MMADHC: variants seen among roughly 807,000 people sequenced by gnomAD.
MMADHC encodes metabolism of cobalamin associated D.
MMADHC carries 23 observed loss-of-function variants against 36.3 expected under a neutral mutation model. The observed-to-expected ratio is 0.63, with a 90% confidence interval of 0.46 to 0.90. The LOEUF (loss-of-function observed/expected upper bound fraction) is 0.90. Among genes scored for constraint, MMADHC ranks in the 40% least tolerant of loss-of-function variants. MMADHC has a pLI of 0.00. For missense variants in MMADHC, 330 were observed against 348.0 expected (o/e 0.95, Z 0.41); for synonymous variants, 97 against 116.1 (o/e 0.84, Z 1.06).
Position 149,572,451 on chromosome 2 carries a change from T to C in MMADHC, c.610-1280A>G, listed in dbSNP as rs533326964. The C allele has an allele frequency of 4.1e-5, 8 of 196,772 alleles. No individual in the cohort carries two copies. In the South Asian group the frequency reaches 5.4e-4, roughly 13 times the overall value. The allele number at this position is 196,772 out of a possible 1,614,324, so 12.2% of individuals were successfully genotyped here. ...CTGATCAAAATACACAAGTTAACTA[T>C]TTTTGGACCCTGAACAACAGGTGAG... On this transcript the variant is annotated intron_variant, in intron 6 of 7. Coordinates refer to ENST00000303319, the MANE Select transcript of MMADHC (RefSeq NM_015702.3).
chr2:149,573,690 GTATTT>G (rs541461614), intron 6 of MMADHC, among the ~76,000 whole-genome samples: 45 of 151,920 alleles, frequency 3.0e-4, no homozygotes, highest in Admixed American at 2.8e-3. Flanking sequence ...ATTTATTGCT[GTATTT>G]TATTAATCCT....
intron 3 of MMADHC, among the ~76,000 whole-genome samples, chr2:149,580,705 T>C (rs1051273171): frequency 2.6e-5 from 4 of 152,190 alleles, no homozygotes; most frequent in African/African-American, 4.8e-5. Context: ...TGAGCCACCA[T>C]ATCCCTCTTC....
intron 3 of MMADHC, among the ~76,000 whole-genome samples, chr2:149,580,813 G>A (rs995026413): frequency 2.0e-5 from 3 of 152,084 alleles, no homozygotes; most frequent in African/African-American, 7.2e-5. Flanking sequence ...CTAGTCCAGT[G>A]CCCCTCAAAC....
intron 6 of MMADHC, 113 bp from the exon 7 acceptor site, chr2:149,571,284 A>C: frequency 1.6e-6 from 1 of 615,854 alleles, no homozygotes; most frequent in Non-Finnish European, 2.6e-6. Context: ...CAAGATTAAT[A>C]AAAAAATAAA....
At chr2:149,578,165 CAAT>C (rs1271912575) in intron 4 of MMADHC, among the ~76,000 whole-genome samples, 1 of 152,044 alleles carries the variant, frequency 6.6e-6, no homozygotes, top group Non-Finnish European at 1.5e-5. Flanking sequence ...TGTCATGCTA[CAAT>C]GACTCTAAAA....
rs1682612042 is a variant in MMADHC, at chr2:149,569,871, A to ATACT, written c.*99_*102dup. 2 of 1,025,216 alleles carry ATACT rather than the reference A, an allele frequency of 2.0e-6. No homozygotes were observed. Among genetic ancestry groups the ATACT allele is most frequent in the African/African-American group, 1.6e-5 (1 of 60,974 alleles). 63.5% of individuals were successfully genotyped at this position (1,025,216 alleles called of 1,614,324 possible). On this transcript the variant is annotated 3_prime_UTR_variant, in exon 8 of 8. Transcript: ENST00000303319. ...TGTAAATTCATAAATGCTGAAATAA[A>ATACT]TACTTAGAAATAAATATATTTTAAA...
rs141567576 is a variant in MMADHC at position 149,585,011 on chromosome 2, C to T, written c.9+2078G>A. ...GAGCAGAGATCCCGCCATTGCACTC[C>T]GGCCTGGGAAACAAGAGTGAAACTC... On this transcript the variant is annotated intron_variant, in intron 2 of 7. Transcript: ENST00000303319. 6.6e-3 allele frequency among the ~76,000 whole-genome samples: 966 copies of T among 147,374 alleles called. 13 individuals are homozygous for T. Among genetic ancestry groups the T allele is most frequent in the African/African-American group, 0.023 (933 of 39,886 alleles).
intron 7 of MMADHC, 130 bp downstream of exon 7, chr2:149,570,955 G>T: frequency 1.4e-6 from 1 of 720,046 alleles, no homozygotes; most frequent in East Asian, 2.8e-5. Flanking sequence ...CTGACTCACA[G>T]TAGTATTTCT....
At chr2:149,586,258 C>T (rs146103403) in intron 2 of MMADHC, among the ~76,000 whole-genome samples, 1 of 152,326 alleles carries the variant, frequency 6.6e-6, no homozygotes, top group Non-Finnish European at 1.5e-5. Context: ...CTCTCATTTA[C>T]TTGGTACCAA....
chr2:149,571,253 A>G (rs929171479), intron 6 of MMADHC, 82 bp from the exon 7 acceptor site: 33 of 874,324 alleles, frequency 3.8e-5, no homozygotes, highest in African/African-American at 1.2e-4. Context: ...TTAAGTGACT[A>G]TCTTGTTTCA....
rs28660450 is a variant in MMADHC, at chr2:149,581,940, C to T, written c.154+187G>A. 0.026 allele frequency among the ~76,000 whole-genome samples: 2,052 copies of T among 79,500 alleles called. 26 individuals carry two copies. Among genetic ancestry groups the T allele is most frequent in the Non-Finnish European group, 0.04 (1,031 of 26,060 alleles). 52.2% of individuals were successfully genotyped at this position (79,500 alleles called of 152,430 possible). On this transcript the variant is annotated intron_variant, in intron 3 of 7. Coordinates refer to ENST00000303319, the MANE Select transcript of MMADHC (RefSeq NM_015702.3). The stretch of plus-strand genomic sequence containing the variant: ...AAGAAGTAAGCTTTAGAAACCAGTA[C>T]TTACTCTTTTTTCAATACTGTAGCT...
chr2:149,582,460 A>C (rs1385673902), intron 2 of MMADHC, among the ~76,000 whole-genome samples, 189 bp from the exon 3 acceptor site: 2 of 152,206 alleles, frequency 1.3e-5, no homozygotes, highest in African/African-American at 4.8e-5. Context: ...AAAAATTAAA[A>C]AAACAAGTAA....
At chr2:149,587,517 G>A (rs1682891816) in intron 1 of MMADHC, 147 bp downstream of exon 1, 1 of 242,756 alleles carries the variant, frequency 4.1e-6, no homozygotes, top group Non-Finnish European at 8.2e-6. Flanking sequence ...TCGGAAAGAT[G>A]AGGAAGCAGA....
chr2:149,582,208 C>G lies in MMADHC; in HGVS notation c.73G>C (p.Val25Leu), dbSNP rs549522925. 18 of 1,613,780 alleles carry G rather than the reference C, an allele frequency of 1.1e-5. No individual in the cohort carries two copies. Among genetic ancestry groups the G allele is most frequent in the Non-Finnish European group, 1.3e-5 (15 of 1,179,862 alleles). ...GTCGAAAAGGCTTTGGGATTGACAA[C>G]CCTTTTAACTAAAGAGCAAAATCCT... ...LPGFCSLVKR[V>L]VNPKAFSTAG... The change falls in exon 3 of 8, where the codon GTT becomes CTT. Residue 25 changes from valine to leucine, a missense_variant. Transcript: ENST00000303319.
At chr2:149,577,916 G>T (rs916056449) in intron 4 of MMADHC, among the ~76,000 whole-genome samples, 5 of 152,174 alleles carry the variant, frequency 3.3e-5, no homozygotes, top group Admixed American at 6.5e-5. Context: ...TACTCGGGAG[G>T]CTGAGGCAGG....
chr2:149,579,196 T>G (rs924051324), intron 4 of MMADHC, among the ~76,000 whole-genome samples: 3 of 152,014 alleles, frequency 2.0e-5, no homozygotes, highest in African/African-American at 7.2e-5. Flanking sequence ...CTTAAAAACA[T>G]ACTTTTCAAG....
At chr2:149,576,010 C>T (rs1682711695) in intron 5 of MMADHC, among the ~76,000 whole-genome samples, 169 bp from the exon 6 acceptor site, 1 of 152,050 alleles carries the variant, frequency 6.6e-6, no homozygotes, top group African/African-American at 2.4e-5. Context: ...GTAAAATTCA[C>T]TTAGTTTTGT....
At chr2:149,579,322 G>A (rs983896268) in intron 4 of MMADHC, 109 bp downstream of exon 4, 1 of 1,035,526 alleles carries the variant, frequency 9.7e-7, no homozygotes, top group Non-Finnish European at 1.5e-6. Context: ...TACATGTACT[G>A]GAATTAAATT....
At chr2:149,585,009 T>G (rs1005880608) in intron 2 of MMADHC, among the ~76,000 whole-genome samples, 2 of 140,016 alleles carry the variant, frequency 1.4e-5, no homozygotes, top group African/African-American at 5.4e-5. Context: ...GCCATTGCAC[T>G]CCGGCCTGGG....
Sources: allele counts gnomAD v4.1 joint callset (sites outside exome capture counted in the v4.1 genomes callset), GRCh38; gene constraint gnomAD v4.1.1; transcripts MANE v1.5; gene names NCBI Gene and HGNC (gene_info 2026-07-23, HGNC 2026-07-21).